PTGER3: variants seen among roughly 807,000 people sequenced by gnomAD.
PTGER3 encodes the protein prostaglandin E receptor 3.
In PTGER3, 22 loss-of-function variants were observed where a neutral mutation model predicts 34.7. The ratio of observed to expected loss-of-function variants is 0.63; its 90% confidence interval spans 0.45 to 0.91. PTGER3 has a LOEUF of 0.91. PTGER3 is among the 40% of genes least tolerant of loss of function. The pLI, the probability that PTGER3 is intolerant of heterozygous loss-of-function variation, is 0.00. For synonymous variants in PTGER3, 241 were observed against 230.1 expected (o/e 1.05, Z -0.43); for missense variants, 468 against 519.4 (o/e 0.90, Z 0.96).
intron 4 of PTGER3, among the ~76,000 whole-genome samples, chr1:70,867,086 A>C (rs997770496): frequency 7.2e-5 from 11 of 152,164 alleles, no homozygotes; most frequent in African/African-American, 2.7e-4. Context: ...TCAATACAAA[A>C]TTCTCTGCTG....
intron 4 of PTGER3, among the ~76,000 whole-genome samples, chr1:70,906,363 T>C (rs1343418571): frequency 6.6e-6 from 1 of 152,208 alleles, no homozygotes; most frequent in Non-Finnish European, 1.5e-5. Flanking sequence ...AGTATATTAG[T>C]ATCACCTGGG....
At chr1:70,950,118 G>C (rs540826619), downstream of PTGER3, among the ~76,000 whole-genome samples, 1 of 152,144 alleles carries the variant, frequency 6.6e-6, no homozygotes, top group Non-Finnish European at 1.5e-5. Flanking sequence ...ATTTCAGAAG[G>C]TACAGAGTGT....
intron 2 of PTGER3, among the ~76,000 whole-genome samples, chr1:70,957,000 T>C (rs961080852): frequency 3.3e-5 from 5 of 152,040 alleles, no homozygotes; most frequent in African/African-American, 4.8e-5. Flanking sequence ...GTCTTAATAA[T>C]AGTAACAATA....
intron 4 of PTGER3, among the ~76,000 whole-genome samples, chr1:70,942,841 G>A (rs571462577): frequency 6.6e-6 from 1 of 152,244 alleles, no homozygotes; most frequent in South Asian, 2.1e-4. Context: ...TGCAGGCACA[G>A]GACACAAAGA....
chr1:70,904,504 A>C (rs1646905468), intron 4 of PTGER3, among the ~76,000 whole-genome samples: 1 of 152,180 alleles, frequency 6.6e-6, no homozygotes, highest in African/African-American at 2.4e-5. Flanking sequence ...TGAACGATAA[A>C]GTCCAGGCTG....
intron 2 of PTGER3, among the ~76,000 whole-genome samples, chr1:70,955,193 A>G (rs1381536534): frequency 6.6e-6 from 1 of 152,174 alleles, no homozygotes; most frequent in African/African-American, 2.4e-5. Context: ...ATAGGCCTTG[A>G]GGAAGTAAGT....
chr1:71,022,754 C>T (rs1658539376), intron 1 of PTGER3, among the ~76,000 whole-genome samples: 2 of 151,564 alleles, frequency 1.3e-5, no homozygotes, highest in Admixed American at 6.6e-5. Flanking sequence ...CACACATACA[C>T]ACACAAATGA....
At chr1:70,952,464 G>A in exon 4 of PTGER3, 1 of 985,850 alleles carries the variant, frequency 1.0e-6, no homozygotes, top group Non-Finnish European at 1.2e-6. Flanking sequence ...TTAATAACCT[G>A]AACAAATAAC....
chr1:70,918,904 G>A (rs565558386), intron 4 of PTGER3, among the ~76,000 whole-genome samples: 1 of 151,790 alleles, frequency 6.6e-6, no homozygotes, highest in Non-Finnish European at 1.5e-5. Flanking sequence ...AGAGAATTAG[G>A]ACAATTTGCT....
chr1:70,956,796 G>A (rs1651385065), intron 2 of PTGER3, among the ~76,000 whole-genome samples: 1 of 152,116 alleles, frequency 6.6e-6, no homozygotes, highest in Non-Finnish European at 1.5e-5. Context: ...TTGAGGCCAG[G>A]GGTTCGAGAA....
chr1:70,887,080 CTT>C (rs1276990194), intron 4 of PTGER3, among the ~76,000 whole-genome samples: 1 of 152,096 alleles, frequency 6.6e-6, no homozygotes, highest in Admixed American at 6.5e-5. Flanking sequence ...ATAATTTTTC[CTT>C]TGGGCATGAA....
At chr1:71,007,690 T>C (rs1372494657) in intron 2 of PTGER3, 1 of 985,290 alleles carries the variant, frequency 1.0e-6, no homozygotes, top group Non-Finnish European at 1.2e-6. Flanking sequence ...TGCTTAACAT[T>C]ACAACTTTGA....
chr1:70,914,194 A>G (rs972626967), intron 4 of PTGER3, among the ~76,000 whole-genome samples: 3 of 151,974 alleles, frequency 2.0e-5, no homozygotes, highest in Admixed American at 2.0e-4. Flanking sequence ...AGAACAGTAC[A>G]TCTGTTTGGG....
At chr1:71,011,809 C>A (rs1333573423) in intron 2 of PTGER3, 8 of 992,930 alleles carry the variant, frequency 8.1e-6, no homozygotes, top group Non-Finnish European at 9.6e-6. Context: ...TGAAAGAGAA[C>A]ACAGCAATGT....
chr1:70,878,688 A>C lies in PTGER3; in HGVS notation c.*24-25829T>G, dbSNP rs141036899. Among the ~76,000 whole-genome samples the C allele has an allele frequency of 1.1e-3, 167 of 152,260 alleles. 1 individual carries two copies. Among genetic ancestry groups the C allele is most frequent in the African/African-American group, 3.5e-3 (147 of 41,560 alleles). ...ATTGTATCTTTTTTCTTATTACTTT[A>C]AAAGAATTTCTTCATCTCTGCCTTC... On this transcript the variant is annotated intron_variant, in intron 4 of 4. Transcript: ENST00000370931.
At chr1:70,986,681 C>T (rs1654947780) in intron 2 of PTGER3, among the ~76,000 whole-genome samples, 1 of 152,154 alleles carries the variant, frequency 6.6e-6, no homozygotes, top group Non-Finnish European at 1.5e-5. Flanking sequence ...GGATCAGGAC[C>T]TGCTTTTGAC....
At chr1:70,882,892 T>C (rs548106129) in intron 4 of PTGER3, among the ~76,000 whole-genome samples, 1 of 152,340 alleles carries the variant, frequency 6.6e-6, no homozygotes, top group African/African-American at 2.4e-5. Flanking sequence ...CTCAGATGTT[T>C]GGCCTGCAGG....
chr1:70,981,077 G>T (rs1654209674), intron 2 of PTGER3, among the ~76,000 whole-genome samples: 1 of 152,124 alleles, frequency 6.6e-6, no homozygotes. Flanking sequence ...AGAAAGAATA[G>T]GCAACTGTTA....
chr1:71,010,665 C>T (rs1307059182), intron 2 of PTGER3: 1 of 984,090 alleles, frequency 1.0e-6, no homozygotes, highest in Non-Finnish European at 1.2e-6. Context: ...CAGGATAATC[C>T]AATTCTATGG....
Sources: allele counts gnomAD v4.1 joint callset (sites outside exome capture counted in the v4.1 genomes callset), GRCh38; gene constraint gnomAD v4.1.1; transcripts MANE v1.5; gene names NCBI Gene and HGNC (gene_info 2026-07-23, HGNC 2026-07-21).